The following NEB variants were observed in gnomAD, a reference collection of about 807,000 sequenced individuals.
NEB encodes the protein nebulin, also known as nemaline myopathy type 2.
A neutral mutation model predicts 952.2 loss-of-function variants in NEB; 512 were observed. The ratio of observed to expected loss-of-function variants is 0.54; its 90% CI spans 0.50 to 0.58. NEB has a LOEUF of 0.58. Among genes scored for constraint, NEB ranks in the 20% least tolerant of loss-of-function variants. NEB has a pLI of 0.00. For missense variants in NEB, 8,428 were observed against 9,231.1 expected (o/e 0.91, Z 3.56); for synonymous variants, 2,900 against 3,149.8 (o/e 0.92, Z 2.66).
Position 151,650,561 on chromosome 2 carries a change from A to C in NEB, c.7227+13T>G, listed in dbSNP as rs373818296. The C allele has an allele frequency of 1.2e-4, 187 of 1,543,306 alleles. No homozygotes were observed. The highest frequency in any genetic ancestry group is 1.8e-4 in the Middle Eastern group (1 of 5,704). On this transcript the variant is annotated intron_variant, in intron 53 of 181. Transcript: ENST00000397345. Reference sequence around the variant, plus strand: ...AATTAATATATAAACTATTGGATTTAATAGAAACTGACCTCACTTTGCAGT... The same window carrying C: ...AATTAATATATAAACTATTGGATTTCATAGAAACTGACCTCACTTTGCAGT...
chr2:151,691,944 CT>C lies in NEB; in HGVS notation c.2130del (p.Glu711LysfsTer12). The C allele has an allele frequency of 6.2e-7, 1 of 1,611,000 alleles. No individual in the cohort carries two copies. The highest frequency in any genetic ancestry group is 8.5e-7 in the Non-Finnish European group (1 of 1,178,116). On this transcript the variant is annotated frameshift_variant, in exon 23 of 182. Coordinates refer to ENST00000397345, the MANE Select transcript of NEB (RefSeq NM_001164508.2). LOFTEE classifies it high-confidence loss of function. Reference sequence around the variant, plus strand: ...GGGAAATAGCATTTTCCTTTATCTTCTTCATATTCTGCTTTGTAACTTTTCT... The same window carrying C: ...GGGAAATAGCATTTTCCTTTATCTTCTCATATTCTGCTTTGTAACTTTTCT... ...NSDKSYKAEY[E>X]EDKGKCYFPQ...
chr2:151,591,759 ACT>A (rs1280669830), intron 95 of NEB, among the ~76,000 whole-genome samples: 4 of 152,308 alleles, frequency 2.6e-5, no homozygotes, highest in Admixed American at 6.5e-5. Flanking sequence ...TGGATGGCCC[ACT>A]AAAACCTGAG....
chr2:151,529,008 C>T (rs954560613), intron 146 of NEB, among the ~76,000 whole-genome samples: 9 of 152,206 alleles, frequency 5.9e-5, no homozygotes, highest in African/African-American at 1.7e-4. Context: ...GATGAAGCTT[C>T]CTTTGCTCTT....
rs1232920186 is a variant in NEB at position 151,665,415 on chromosome 2, T to C, written c.5156A>G (p.His1719Arg). The change falls in exon 42 of 182, where the codon CAC becomes CGC. Residue 1719 changes from histidine (H) to arginine (R), a missense_variant. Physicochemically the swap from His to Arg is conservative, Grantham distance 29. This residue lies in a region of NEB where 2,851 missense variants were observed against 2,791.5 expected (regional missense o/e 1.02). Coordinates refer to ENST00000397345, the MANE Select transcript of NEB (RefSeq NM_001164508.2). ...GTAAGTGAACTTCAGCTTCTCGGGG[T>C]GCTGGCGATACTTCTTCTCACTAAG... ...EILSEKKYRQ[H>R]PEKLKFTYAM... 1 of 1,613,724 alleles carries C rather than the reference T, an allele frequency of 6.2e-7. No homozygotes were observed. The highest frequency in any genetic ancestry group is 8.5e-7 in the Non-Finnish European group (1 of 1,179,800).
Position 151,533,428 on chromosome 2 carries a change from C to T in NEB, c.21417+14G>A, listed in dbSNP as rs878978273. ...TCTTCTAAACCTCCTTCTTCACATC[C>T]CATCAGACATTACCTGGCTCCACAT... is the stretch of plus-strand genomic sequence containing the variant. On this transcript the variant is annotated intron_variant, in intron 143 of 181. Coordinates refer to ENST00000397345, the MANE Select transcript of NEB (RefSeq NM_001164508.2). The T allele has an allele frequency of 6.6e-7, 1 of 1,520,256 alleles. No individual in the cohort carries two copies. The highest frequency in any genetic ancestry group is 1.2e-5 in the South Asian group (1 of 83,274). 94.2% of individuals were successfully genotyped at this position (1,520,256 alleles called of 1,614,324 possible).
At chr2:151,643,728 G>T in intron 57 of NEB, 90 bp downstream of exon 57, 1 of 1,540,362 alleles carries the variant, frequency 6.5e-7, no homozygotes, top group South Asian at 1.3e-5. Flanking sequence ...CAGGGTAATT[G>T]TGTAAACTCA....
chr2:151,665,460 G>A lies in NEB; in HGVS notation c.5111C>T (p.Ala1704Val), dbSNP rs1331178881. The A allele has an allele frequency of 1.2e-6, 2 of 1,613,196 alleles. No individual in the cohort carries two copies. Among genetic ancestry groups the A allele is most frequent in the Non-Finnish European group, 1.7e-6 (2 of 1,179,644 alleles). The change falls in exon 42 of 182, where the codon GCA (alanine) becomes GTA (valine). Residue 1704 changes from alanine (A) to valine (V), a missense_variant. By Grantham distance (64) the Ala-to-Val change is moderately conservative. This residue lies in a region of NEB where 2,851 missense variants were observed against 2,791.5 expected (regional missense o/e 1.02). Coordinates refer to ENST00000397345, the MANE Select transcript of NEB (RefSeq NM_001164508.2). Reference protein sequence around the residue: ...VPIESLEVEKAKKAGEILSEK... With the variant: ...VPIESLEVEKVKKAGEILSEK... ...ACTAAGAATCTCTCCTGCTTTCTTT[G>A]CCTTCTCCACCTCCAGGGACTCTAT...
chr2:151,639,449 G>C, intron 62 of NEB, 65 bp from the exon 63 acceptor site: 1 of 1,190,602 alleles, frequency 8.4e-7, no homozygotes, highest in Non-Finnish European at 1.1e-6. Context: ...AGGAATTTTA[G>C]GGCCACAAAA....
intron 64 of NEB, among the ~76,000 whole-genome samples, chr2:151,635,505 G>T (rs1047441999): frequency 1.3e-5 from 2 of 152,028 alleles, no homozygotes; most frequent in African/African-American, 4.8e-5. Flanking sequence ...TCAAGAATTT[G>T]GGACCAGCCT....
At position 151,612,371 on chromosome 2, in the gene NEB, G is replaced by A. The variant is rs1236608581; in HGVS notation, c.11620C>T (p.Leu3874Phe). 1 of 1,613,658 alleles carries A rather than the reference G, an allele frequency of 6.2e-7. No individual in the cohort carries two copies. The highest frequency in any genetic ancestry group is 1.7e-5 in the Admixed American group (1 of 60,004). ...CATCCTATGCCTCTCAGCCACTCAA[G>A]ATCAGATTTGTAAATAGCCTGAAAA... ...LQSDAIYKSD[L>F]EWLRGIGWVP... Residue 3874 changes from leucine (L) to phenylalanine (F), a missense_variant, in exon 78 of 182, where the codon CTT becomes TTT. Leu to Phe is a conservative substitution (Grantham distance 22). Coordinates refer to ENST00000397345, the MANE Select transcript of NEB (RefSeq NM_001164508.2).
chr2:151,618,571 G>A (rs552854544), intron 73 of NEB, 93 bp from the exon 74 acceptor site: 79 of 1,184,112 alleles, frequency 6.7e-5, no homozygotes, highest in South Asian at 8.2e-5. Flanking sequence ...CAAAAATACC[G>A]ATGAATAGTT....
In NEB at chr2:151,618,595, T is replaced by C. The variant is rs898914771; in HGVS notation, c.10873-117A>G. ...CGATGAATAGTTAAGGTTCCTAGCA[T>C]AGTCATTCACTCACTCACGCACATT... On this transcript the variant is annotated intron_variant, in intron 73 of 181. Transcript: ENST00000397345. 3.0e-5 allele frequency: 31 copies of C among 1,049,254 alleles called. No individual in the cohort carries two copies. The South Asian group carries it at 3.9e-4, about 13-fold the overall frequency. The allele number at this position is 1,049,254 out of a possible 1,614,324, so 65.0% of individuals were successfully genotyped here.
At chr2:151,628,479 G>A (rs926398624) in intron 68 of NEB, among the ~76,000 whole-genome samples, 2 of 152,042 alleles carry the variant, frequency 1.3e-5, no homozygotes, top group African/African-American at 2.4e-5. Flanking sequence ...TGGTGGTAAG[G>A]GCAAACTGGA....
intron 161 of NEB, among the ~76,000 whole-genome samples, chr2:151,509,247 G>T (rs2071944447): frequency 6.6e-6 from 1 of 152,192 alleles, no homozygotes; most frequent in Non-Finnish European, 1.5e-5. Context: ...TTTTTCGGAA[G>T]AAACGGTAGT....
At chr2:151,705,100 G>T (rs1228749478) in intron 13 of NEB, among the ~76,000 whole-genome samples, 3 of 151,984 alleles carry the variant, frequency 2.0e-5, no homozygotes, top group African/African-American at 7.3e-5. Flanking sequence ...TATAAGGTGA[G>T]AAATACGCAA....
At chr2:151,683,976 T>C (rs79717294) in intron 28 of NEB, among the ~76,000 whole-genome samples, 1 of 152,054 alleles carries the variant, frequency 6.6e-6, no homozygotes, top group African/African-American at 2.4e-5. Flanking sequence ...AAGAGACAAA[T>C]ACTGTATGAC....
chr2:151,612,119 T>C (rs1038326253), intron 78 of NEB, 67 bp downstream of exon 78: 2 of 1,521,932 alleles, frequency 1.3e-6, no homozygotes, highest in Non-Finnish European at 1.8e-6. Flanking sequence ...CTTAGGGAAT[T>C]TCCTACTTTA....
intron 57 of NEB, among the ~76,000 whole-genome samples, 170 bp downstream of exon 57, chr2:151,643,648 C>T (rs2098916486): frequency 1.3e-5 from 2 of 152,176 alleles, no homozygotes; most frequent in African/African-American, 2.4e-5. Context: ...TGGGGCTTTG[C>T]TGGCTCTTTC....
chr2:151,661,913 T>C (rs1252378518), intron 46 of NEB, among the ~76,000 whole-genome samples: 4 of 152,124 alleles, frequency 2.6e-5, no homozygotes, highest in Admixed American at 6.5e-5. Context: ...CCTATTTATT[T>C]GGTTATGTCA....
Sources: gnomAD v4.1 joint callset for allele counts (sites outside exome capture counted in the v4.1 genomes callset) on GRCh38, gnomAD v4.1.1 for gene constraint, gnomAD v4.1.1 regional missense constraint, MANE v1.5 for transcripts, NCBI Gene and HGNC (gene_info 2026-07-23, HGNC 2026-07-21) for gene names.